Variants in EXPH5 observed in about 807,000 individuals in gnomAD.
EXPH5 encodes the protein exophilin 5.
A neutral mutation model predicts 41.1 loss-of-function variants in EXPH5; 42 were observed. The ratio of observed to expected loss-of-function variants is 1.02; its 90% CI spans 0.80 to 1.32. The LOEUF is 1.32. EXPH5 is among the 40% of genes most tolerant of loss of function. The probability of loss-of-function intolerance (pLI) is 0.00; values close to 1 mark genes in which losing one functional copy is unlikely to be tolerated. For synonymous variants in EXPH5, 798 were observed against 833.5 expected, an observed-to-expected ratio of 0.96 and a Z score of 0.73; for missense variants, 2,298 against 2,314.5, an observed-to-expected ratio of 0.99 and a Z score of 0.15.
At chr11:108,559,414 AT>A (rs911701325) in intron 1 of EXPH5, among the ~76,000 whole-genome samples, 2 of 152,228 alleles carry the variant, frequency 1.3e-5, no homozygotes, top group African/African-American at 4.8e-5. Context: ...GAATGGGGAC[AT>A]AAATGCCTCT....
chr11:108,600,401 T>A, the EXPH5 span, among the ~76,000 whole-genome samples: 2 of 152,178 alleles, frequency 1.3e-5, no homozygotes, highest in African/African-American at 2.4e-5. Context: ...GTATTTGGAT[T>A]TTTTTTCTCA....
intron 3 of EXPH5, among the ~76,000 whole-genome samples, chr11:108,538,609 C>T (rs1018322389): frequency 1.3e-5 from 2 of 152,096 alleles, no homozygotes; most frequent in East Asian, 1.9e-4. Context: ...CTCATCTAGT[C>T]GTTACCCCAA....
At chr11:108,587,419 C>G (rs538388090) in intron 1 of EXPH5, among the ~76,000 whole-genome samples, 1 of 152,296 alleles carries the variant, frequency 6.6e-6, no homozygotes, top group African/African-American at 2.4e-5. Context: ...TTTGTATTGC[C>G]TATAGCAGTA....
At chr11:108,547,790 G>A (rs2136048371) in intron 1 of EXPH5, among the ~76,000 whole-genome samples, 1 of 152,078 alleles carries the variant, frequency 6.6e-6, no homozygotes, top group East Asian at 1.9e-4. Flanking sequence ...TTGTGACTTG[G>A]CAATTGAGCG....
At chr11:108,524,732 T>TAAAATC (rs2093787064) in intron 4 of EXPH5, among the ~76,000 whole-genome samples, 2 of 152,338 alleles carry the variant, frequency 1.3e-5, no homozygotes, top group Admixed American at 6.5e-5. Flanking sequence ...AATGCCTTGG[T>TAAAATC]AAAATCAACA....
intron 1 of EXPH5, among the ~76,000 whole-genome samples, chr11:108,584,303 T>A (rs1215104351): frequency 1.3e-5 from 2 of 151,872 alleles, no homozygotes; most frequent in Non-Finnish European, 2.9e-5. Flanking sequence ...GGGCGAAAAC[T>A]TGTCTCTACT....
In EXPH5 at chr11:108,510,352, C is replaced by A; in HGVS notation, c.5155G>T (p.Val1719Phe). The A allele has an allele frequency of 1.2e-6, 2 of 1,614,162 alleles. No homozygotes were observed. The highest frequency in any genetic ancestry group is 1.7e-6 in the Non-Finnish European group (2 of 1,180,026). The change falls in exon 6 of 6, where the codon GTC (valine) becomes TTC (phenylalanine). Residue 1719 changes from valine to phenylalanine, a missense_variant. Transcript: ENST00000265843. ...CTTACTAAATTCTGAGCTGCTGTGA[C>A]GTCTTTAGAATTCTCATGCTTTGAT... The part of the protein sequence containing the change: ...SPSKHENSKD[V>F]TAAQNLVRES...
At chr11:108,561,916 A>G (rs1283237484) in intron 1 of EXPH5, among the ~76,000 whole-genome samples, 1 of 152,216 alleles carries the variant, frequency 6.6e-6, no homozygotes, top group African/African-American at 2.4e-5. Context: ...GAAGCAGAAC[A>G]GAGAAGCTGG....
chr11:108,536,673 G>A (rs1407619963), intron 3 of EXPH5, among the ~76,000 whole-genome samples: 1 of 152,078 alleles, frequency 6.6e-6, no homozygotes, highest in African/African-American at 2.4e-5. Flanking sequence ...TTATTGGCTG[G>A]GCCTTAAAGG....
At chr11:108,594,414 A>G (rs1258399033), upstream of EXPH5, among the ~76,000 whole-genome samples, 1 of 152,220 alleles carries the variant, frequency 6.6e-6, no homozygotes, top group Admixed American at 6.5e-5. Context: ...AGATTTTATT[A>G]TCATCTTAAT....
the EXPH5 span, among the ~76,000 whole-genome samples, chr11:108,603,903 C>T: frequency 1.3e-5 from 2 of 152,060 alleles, no homozygotes; most frequent in Non-Finnish European, 2.9e-5. Flanking sequence ...CCAGGAGAAG[C>T]GAACACAGAC....
Position 108,570,082 on chromosome 11 carries a change from G to A in EXPH5, c.119+23336C>T, listed in dbSNP as rs559262503. Among the ~76,000 whole-genome samples, 25 of 152,296 alleles carry A rather than the reference G, an allele frequency of 1.6e-4. 1 individual carries two copies. The South Asian group carries it at 5.2e-3, about 32-fold the overall frequency. ...AGGAAAGCAGATCTGAGCCAAGAGA[G>A]TAACTAGGGCCTGGCCTGCCTCCTG... On this transcript the variant is annotated intron_variant, in intron 1 of 5. Coordinates refer to ENST00000265843, the MANE Select transcript of EXPH5 (RefSeq NM_015065.3).
chr11:108,525,898 T>A (rs944502242), intron 4 of EXPH5, among the ~76,000 whole-genome samples: 8 of 150,716 alleles, frequency 5.3e-5, no homozygotes, highest in Non-Finnish European at 8.8e-5. Flanking sequence ...TCTCCTTTTT[T>A]AAATTTTTCT....
chr11:108,581,879 CA>C (rs1161903848), intron 1 of EXPH5, among the ~76,000 whole-genome samples: 1 of 152,072 alleles, frequency 6.6e-6, no homozygotes, highest in Non-Finnish European at 1.5e-5. Context: ...TAACTTTATG[CA>C]TATAAACCTG....
intron 1 of EXPH5, among the ~76,000 whole-genome samples, chr11:108,582,523 A>G (rs74927504): frequency 0.033 from 5,074 of 152,178 alleles, 279 homozygotes; most frequent in African/African-American, 0.11. Flanking sequence ...CCTCTCATGA[A>G]CCCAGATTTT....
intron 1 of EXPH5, among the ~76,000 whole-genome samples, chr11:108,552,446 A>T (rs1033962853): frequency 2.0e-5 from 3 of 152,210 alleles, no homozygotes; most frequent in African/African-American, 4.8e-5. Flanking sequence ...GGTAAACTTT[A>T]TAAAGTAAGC....
chr11:108,588,356 G>A (rs972482729), intron 1 of EXPH5, among the ~76,000 whole-genome samples: 3 of 152,148 alleles, frequency 2.0e-5, no homozygotes, highest in Non-Finnish European at 4.4e-5. Flanking sequence ...AGATAAAATA[G>A]CAAGAGATTT....
chr11:108,527,434 C>T (rs1471568740), intron 4 of EXPH5, among the ~76,000 whole-genome samples: 1 of 151,968 alleles, frequency 6.6e-6, no homozygotes, highest in East Asian at 1.9e-4. Flanking sequence ...AAAGGGAGGA[C>T]CCAGTACTAA....
chr11:108,574,375 CAAA>C (rs3054579), intron 1 of EXPH5, among the ~76,000 whole-genome samples: 37 of 138,384 alleles, frequency 2.7e-4, no homozygotes, highest in Admixed American at 2.8e-4. Flanking sequence ...AAGACCATCT[CAAA>C]AAAAAAAAAA....
Sources: allele counts gnomAD v4.1 joint callset (sites outside exome capture counted in the v4.1 genomes callset), GRCh38; gene constraint gnomAD v4.1.1; transcripts MANE v1.5; gene names NCBI Gene and HGNC (gene_info 2026-07-23, HGNC 2026-07-21).